Variants in PLA2G15 observed in about 807,000 individuals in gnomAD.
PLA2G15 encodes lysosomal phospholipase A and acyltransferase.
PLA2G15 carries 20 observed loss-of-function variants against 40.9 expected under a neutral mutation model. The observed-to-expected ratio is 0.49, with a 90% CI of 0.34 to 0.71. PLA2G15 has a LOEUF of 0.71. Ranked by LOEUF, PLA2G15 falls within the 30% of genes least tolerant of loss-of-function variation. The probability of loss-of-function intolerance (pLI) is 0.01; values close to 1 mark genes in which losing one functional copy is unlikely to be tolerated. For synonymous variants in PLA2G15, 223 were observed against 228.2 expected (o/e 0.98, Z 0.21); for missense variants, 471 against 541.9 (o/e 0.87, Z 1.30).
rs1346077123 is a variant in PLA2G15 at position 68,259,270 on chromosome 16, G to A, written c.852G>A (p.Gln284=). 1 of 1,613,998 alleles carries A rather than the reference G, an allele frequency of 6.2e-7. No individual in the cohort carries two copies. ...YTWSPEKVFV[Q]TPTINYTLRD... ...GGTCACCTGAGAAGGTGTTCGTGCA[G>A]ACACCCACAATCAACTACACACTGC... Residue 284 remains glutamine (Q), a synonymous_variant, in exon 6 of 6, where the codon CAG becomes CAA. Transcript: ENST00000219345. This position sits in a 1 kb window ranked among gnomAD's most constrained non-coding sequence, Gnocchi z 6.5.
rs113301815 is a variant in PLA2G15, at chr16:68,255,933, G to A, written c.670G>A (p.Val224Met). Residue 224 changes from valine (V) to methionine (M), a missense_variant, in exon 5 of 6, where the codon GTG becomes ATG. Val to Met is a conservative substitution (Grantham distance 21, BLOSUM62 1). Transcript: ENST00000219345. The surrounding 1 kb of genome is among the most constrained non-coding windows in gnomAD (Gnocchi z 5.9). The part of the protein sequence containing the change: ...AWKDKYIRAF[V>M]SLGAPWGGVA... Reference sequence around the variant, plus strand: ...GAAGGACAAGTATATCCGGGCCTTCGTGTCACTGGGTGCGCCCTGGGGGGG... The same window carrying A: ...GAAGGACAAGTATATCCGGGCCTTCATGTCACTGGGTGCGCCCTGGGGGGG... The A allele has an allele frequency of 2.5e-3, 3,971 of 1,612,566 alleles. 5 individuals are homozygous for A. Among genetic ancestry groups the A allele is most frequent in the Non-Finnish European group, 3.0e-3 (3,563 of 1,179,832 alleles).
chr16:68,256,321 T>C, intron 5 of PLA2G15: 1 of 227,498 alleles, frequency 4.4e-6, no homozygotes, highest in South Asian at 1.2e-4. Flanking sequence ...GTGTTGAACA[T>C]TGAAGGATGA....
intron 1 of PLA2G15, among the ~76,000 whole-genome samples, chr16:68,247,389 T>C (rs1431901756): frequency 6.6e-6 from 1 of 152,226 alleles, no homozygotes; most frequent in Non-Finnish European, 1.5e-5. Context: ...ATAGTAAGGC[T>C]GTCCCCTCCC....
Position 68,259,046 on chromosome 16 carries a change from T to C in PLA2G15, c.728-100T>C, listed in dbSNP as rs542948537. ...CGGGTAGAGATGCGGGACTGTGGAC[T>C]GGGCCCCTGGCTGGGGTCTGGCAGG... is the stretch of plus-strand genomic sequence containing the variant. On this transcript the variant is annotated intron_variant, in intron 5 of 5. Coordinates refer to ENST00000219345, the MANE Select transcript of PLA2G15 (RefSeq NM_012320.4). This position sits in a 1 kb window ranked among gnomAD's most constrained non-coding sequence, Gnocchi z 6.5. 112 of 894,526 alleles carry C rather than the reference T, an allele frequency of 1.3e-4. No homozygotes were observed. The African/African-American group carries it at 1.6e-3, about 13-fold the overall frequency. The allele number at this position is 894,526 out of a possible 1,614,324, so 55.4% of individuals were successfully genotyped here.
chr16:68,253,500 G>C (rs997402134), intron 2 of PLA2G15: 4 of 427,666 alleles, frequency 9.4e-6, no homozygotes, highest in African/African-American at 2.1e-5. Flanking sequence ...CTCAGACTCC[G>C]GATAACTGGG....
chr16:68,260,425 C>T lies in PLA2G15; in HGVS notation c.*768C>T, dbSNP rs900448091. ...CTATTGGCCCCAGGACTGAAGCTGC[C>T]TCCCTTCACCCTGGGACTGTGGTTC... On this transcript the variant is annotated 3_prime_UTR_variant, in exon 6 of 6. Transcript: ENST00000219345. 7.9e-5 allele frequency: 12 copies of T among 152,764 alleles called. No individual in the cohort carries two copies. The highest frequency in any genetic ancestry group is 2.6e-4 in the African/African-American group (11 of 41,552). 9.5% of individuals were successfully genotyped at this position (152,764 alleles called of 1,614,324 possible).
Position 68,259,502 on chromosome 16 carries a change from A to G in PLA2G15, c.1084A>G (p.Thr362Ala), listed in dbSNP as rs770431975. Residue 362 changes from threonine to alanine, a missense_variant, in exon 6 of 6, where the codon ACT (threonine) becomes GCT (alanine). Physicochemically the swap from Thr to Ala is moderately conservative, Grantham distance 58. Transcript: ENST00000219345. This position sits in a 1 kb window ranked among gnomAD's most constrained non-coding sequence, Gnocchi z 6.5. ...AATCTGCTTTGGTGACGGCGATGGTACTGTGAACTTGAAGAGTGCCCTGCA... is the reference window on the plus strand; with the variant it reads ...AATCTGCTTTGGTGACGGCGATGGTGCTGTGAACTTGAAGAGTGCCCTGCA... ...PKICFGDGDG[T>A]VNLKSALQCQ... The G allele has an allele frequency of 1.2e-6, 2 of 1,613,254 alleles. No homozygotes were observed. The highest frequency in any genetic ancestry group is 1.7e-6 in the Non-Finnish European group (2 of 1,180,016).
intron 1 of PLA2G15, chr16:68,248,760 C>A (rs1316712393): frequency 1.0e-6 from 1 of 983,382 alleles, no homozygotes; most frequent in Non-Finnish European, 1.2e-6. Flanking sequence ...GGTCTCCAAG[C>A]CCCTCCTCCC....
rs1038804609 is a variant in PLA2G15, at chr16:68,260,096, G to A, written c.*439G>A. On this transcript the variant is annotated 3_prime_UTR_variant, in exon 6 of 6. Transcript: ENST00000219345. ...CAGAGGTCCCAGGGATCGGCTCCTGGCCCCTCGGGTGACCCTTCCCACACA... is the reference window on the plus strand; with the variant it reads ...CAGAGGTCCCAGGGATCGGCTCCTGACCCCTCGGGTGACCCTTCCCACACA... 2.9e-5 allele frequency: 5 copies of A among 174,046 alleles called. No homozygotes were observed. The highest frequency in any genetic ancestry group is 2.2e-4 in the Admixed American group (4 of 18,080). 10.8% of individuals were successfully genotyped at this position (174,046 alleles called of 1,614,324 possible). A position where few individuals can be genotyped will look rare whatever the true frequency, so the allele number is the denominator to read the frequency against.
intron 2 of PLA2G15, among the ~76,000 whole-genome samples, chr16:68,253,232 A>T (rs1227537166): frequency 6.6e-6 from 1 of 151,936 alleles, no homozygotes; most frequent in African/African-American, 2.4e-5. Context: ...ACCCAATTAT[A>T]CCTACCTGGG....
chr16:68,249,825 C>T (rs1032948363), intron 2 of PLA2G15, among the ~76,000 whole-genome samples: 1 of 152,118 alleles, frequency 6.6e-6, no homozygotes, highest in Non-Finnish European at 1.5e-5. Context: ...ATTACAGGTG[C>T]CCGCCACCAT....
chr16:68,258,268 C>T (rs2042416810), intron 5 of PLA2G15, among the ~76,000 whole-genome samples: 2 of 152,214 alleles, frequency 1.3e-5, no homozygotes, highest in African/African-American at 4.8e-5. Context: ...AATGAGGCCA[C>T]GGCTGGCTGA....
chr16:68,252,456 G>A (rs541795610), intron 2 of PLA2G15: 3 of 434,518 alleles, frequency 6.9e-6, no homozygotes, highest in Non-Finnish European at 1.4e-5. Context: ...TTTTCTCCTG[G>A]TATAAGGTGT....
At chr16:68,253,012 G>A (rs1261730106) in intron 2 of PLA2G15, among the ~76,000 whole-genome samples, 1 of 152,110 alleles carries the variant, frequency 6.6e-6, no homozygotes, top group African/African-American at 2.4e-5. Flanking sequence ...GGGCTGTTAG[G>A]GATCTTAAGT....
chr16:68,256,317 A>C, intron 5 of PLA2G15: 1 of 237,160 alleles, frequency 4.2e-6, no homozygotes, highest in South Asian at 1.1e-4. Context: ...CGATGTGTTG[A>C]ACATTGAAGG....
In PLA2G15 at chr16:68,255,956, G is replaced by T; in HGVS notation, c.693G>T (p.Gly231=). Residue 231 remains glycine (G), a synonymous_variant, in exon 5 of 6, where the codon GGG becomes GGT. Transcript: ENST00000219345. The surrounding 1 kb of genome is among the most constrained non-coding windows in gnomAD (Gnocchi z 5.9). The part of the protein sequence containing the change: ...RAFVSLGAPW[G]GVAKTLRVLA... Reference sequence around the variant, plus strand: ...TCGTGTCACTGGGTGCGCCCTGGGGGGGCGTGGCCAAGACCCTGCGCGTCC... The same window carrying T: ...TCGTGTCACTGGGTGCGCCCTGGGGTGGCGTGGCCAAGACCCTGCGCGTCC... The T allele has an allele frequency of 6.2e-7, 1 of 1,611,658 alleles. No homozygotes were observed. Among genetic ancestry groups the T allele is most frequent in the Non-Finnish European group, 8.5e-7 (1 of 1,179,532 alleles).
chr16:68,245,696 G>A, intron 1 of PLA2G15, 143 bp downstream of exon 1: 1 of 1,001,640 alleles, frequency 1.0e-6, no homozygotes. Context: ...ATCTAGATCT[G>A]CCGGCTCACC....
Position 68,245,435 on chromosome 16 carries a change from C to G in PLA2G15, c.9C>G (p.Leu3=). Residue 3 remains leucine, a synonymous_variant, in exon 1 of 6, where the codon CTC becomes CTG. Coordinates refer to ENST00000219345, the MANE Select transcript of PLA2G15 (RefSeq NM_012320.4). ...GGCGACCGTCGTACACCATGGGCCT[C>G]CACCTCCGCCCCTACCGTGTGGGGC... is the stretch of plus-strand genomic sequence containing the variant. The part of the protein sequence containing the change: MG[L]HLRPYRVGLL... 2 of 1,604,574 alleles carry G rather than the reference C, an allele frequency of 1.2e-6. 1 individual carries two copies. Among genetic ancestry groups the G allele is most frequent in the South Asian group, 2.2e-5 (2 of 91,066 alleles).
intron 5 of PLA2G15, among the ~76,000 whole-genome samples, chr16:68,258,520 G>A (rs1302289872): frequency 6.6e-6 from 1 of 152,152 alleles, no homozygotes; most frequent in Non-Finnish European, 1.5e-5. Context: ...ACAAAACATA[G>A]CTTGGATGTG....
Sources: gnomAD v4.1 joint callset for allele counts (sites outside exome capture counted in the v4.1 genomes callset) on GRCh38, gnomAD v4.1.1 for gene constraint, Gnocchi (gnomAD v3.1) non-coding constraint, MANE v1.5 for transcripts, NCBI Gene and HGNC (gene_info 2026-07-23, HGNC 2026-07-21) for gene names.